ATXN2: variants seen among roughly 807,000 people sequenced by gnomAD.
ATXN2 encodes the protein ataxin 2, also known as ataxin-2.
Under a neutral mutation model 138.6 loss-of-function variants are expected in ATXN2, and 37 were observed. The observed-to-expected ratio is 0.27, with a 90% CI of 0.21 to 0.35. The LOEUF (loss-of-function observed/expected upper bound fraction) is 0.35, where lower values mean the gene tolerates loss of function less well. ATXN2 is among the 10% of genes least tolerant of loss of function. The pLI is 1.00. For missense variants in ATXN2, 1,216 were observed against 1,480.3 expected (o/e 0.82, Z 2.93); for synonymous variants, 549 against 543.7 (o/e 1.01, Z -0.13).
At chr12:111,455,256 C>T (rs1004022777) in intron 23 of ATXN2, 10 of 641,068 alleles carry the variant, frequency 1.6e-5, no homozygotes, top group African/African-American at 5.4e-5. Flanking sequence ...TCAAGGCCAG[C>T]GTTAGAGCCC....
intron 14 of ATXN2, among the ~76,000 whole-genome samples, chr12:111,502,243 C>A (rs894263194): frequency 1.3e-5 from 2 of 152,128 alleles, no homozygotes; most frequent in African/African-American, 4.8e-5. Context: ...TTCACAACAG[C>A]CCTATTTGAT....
At chr12:111,594,591 T>A (rs1835567261) in intron 1 of ATXN2, among the ~76,000 whole-genome samples, 1 of 152,086 alleles carries the variant, frequency 6.6e-6, no homozygotes, top group East Asian at 1.9e-4. Context: ...TCAGACTGAA[T>A]CCTGTATCCC....
chr12:111,459,749 T>C (rs542634986), intron 21 of ATXN2, among the ~76,000 whole-genome samples: 2 of 136,680 alleles, frequency 1.5e-5, no homozygotes, highest in South Asian at 4.6e-4. Flanking sequence ...CATGTTTGTT[T>C]ATTTTTGAGA....
At position 111,453,559 on chromosome 12, in the gene ATXN2, G is replaced by T; in HGVS notation, c.3439+118C>A. ...ACAGTCCCTCCTGTGCACACTCCTG[G>T]ACGGGTCTTGCTAGTTCTCAAATGC... On this transcript the variant is annotated intron_variant, in intron 24 of 24. Coordinates refer to ENST00000673436, the MANE Select transcript of ATXN2 (RefSeq NM_001372574.1). This position sits in a 1 kb window ranked among gnomAD's most constrained non-coding sequence, Gnocchi z 5.4. 5.5e-6 allele frequency: 8 copies of T among 1,441,816 alleles called. No individual in the cohort carries two copies. The highest frequency in any genetic ancestry group is 7.3e-6 in the Non-Finnish European group (8 of 1,097,882). 89.3% of individuals were successfully genotyped at this position (1,441,816 alleles called of 1,614,324 possible).
chr12:111,491,719 C>G (rs1226372480), intron 14 of ATXN2, among the ~76,000 whole-genome samples: 4 of 152,128 alleles, frequency 2.6e-5, no homozygotes, highest in Non-Finnish European at 5.9e-5. Context: ...ACTAAAGAGC[C>G]CTTGTGCCTT....
chr12:111,556,018 G>C, intron 1 of ATXN2, 99 bp from the exon 2 acceptor site: 1 of 979,752 alleles, frequency 1.0e-6, no homozygotes, highest in Non-Finnish European at 1.5e-6. Context: ...ATAAAGGAGA[G>C]GCTATCTGTG....
Position 111,518,376 on chromosome 12 carries a change from C to A in ATXN2, c.1038G>T (p.Trp346Cys), listed in dbSNP as rs1722026150. The A allele has an allele frequency of 6.2e-7, 1 of 1,612,734 alleles. No homozygotes were observed. Among genetic ancestry groups the A allele is most frequent in the African/African-American group, 1.3e-5 (1 of 74,854 alleles). The change falls in exon 9 of 25, where the codon TGG becomes TGT. Residue 346 changes from tryptophan (W) to cysteine (C), a missense_variant. By Grantham distance (215) the Trp-to-Cys change is radical. Around this residue, in one of 4 missense-constraint regions of ATXN2, gnomAD observed 401 missense variants for 528.1 expected, o/e 0.76. Coordinates refer to ENST00000673436, the MANE Select transcript of ATXN2 (RefSeq NM_001372574.1). ...GCGGTGAATTCTGTCTCCCACTTCC[C>A]CAGGATATGACTTCTCTATTTCTTT... is the stretch of plus-strand genomic sequence containing the variant. The part of the protein sequence containing the change: ...PGQRNREVIS[W>C]GSGRQNSPRM...
chr12:111,492,784 G>T (rs974247504), intron 14 of ATXN2, among the ~76,000 whole-genome samples: 5 of 151,000 alleles, frequency 3.3e-5, no homozygotes, highest in African/African-American at 1.2e-4. Flanking sequence ...ACATCCACAA[G>T]CATCAAGGCC....
At chr12:111,519,477 T>C (rs1880039430) in intron 8 of ATXN2, among the ~76,000 whole-genome samples, 1 of 152,216 alleles carries the variant, frequency 6.6e-6, no homozygotes, top group Non-Finnish European at 1.5e-5. Flanking sequence ...TATCACAAAA[T>C]GTCACCTCCT....
At chr12:111,593,456 C>G (rs1884782235) in intron 1 of ATXN2, among the ~76,000 whole-genome samples, 1 of 151,944 alleles carries the variant, frequency 6.6e-6, no homozygotes, top group South Asian at 2.1e-4. Flanking sequence ...GAGTTAACAT[C>G]CCTTATGTAG....
chr12:111,535,115 G>C (rs1268736992), intron 5 of ATXN2, among the ~76,000 whole-genome samples: 2 of 152,172 alleles, frequency 1.3e-5, no homozygotes, highest in African/African-American at 4.8e-5. Context: ...GACAGAGAGA[G>C]ACCCTTTCTC....
In ATXN2 at chr12:111,569,277, GA is replaced by G. The variant is rs1367513708; in HGVS notation, c.252-13359del. Among the ~76,000 whole-genome samples the G allele has an allele frequency of 4.0e-5, 6 of 151,464 alleles. 1 individual carries two copies. The South Asian group carries it at 1.2e-3, about 32-fold the overall frequency. On this transcript the variant is annotated intron_variant, in intron 1 of 24. Coordinates refer to ENST00000673436, the MANE Select transcript of ATXN2 (RefSeq NM_001372574.1). ...AGATGAAAATAGTACCTTCTCAAAA[GA>G]AAAAAAATAGTATCTTTTCATAAGG...
chr12:111,497,795 T>A (rs1031577412), intron 14 of ATXN2, among the ~76,000 whole-genome samples: 7 of 151,890 alleles, frequency 4.6e-5, no homozygotes, highest in African/African-American at 1.7e-4. Context: ...GACGGGCAGA[T>A]CATGAGGTCA....
intron 6 of ATXN2, among the ~76,000 whole-genome samples, chr12:111,521,876 A>G (rs1566040380): frequency 6.6e-6 from 1 of 152,186 alleles, no homozygotes; most frequent in Admixed American, 6.5e-5. Context: ...GAATCAACCA[A>G]TTGGGCCACA....
intron 14 of ATXN2, among the ~76,000 whole-genome samples, chr12:111,498,284 C>T (rs1228270845): frequency 6.6e-6 from 1 of 152,128 alleles, no homozygotes; most frequent in Non-Finnish European, 1.5e-5. Context: ...TCAAATTATC[C>T]TTGTTTGCAG....
At chr12:111,589,013 A>AAAAC (rs1884500023) in intron 1 of ATXN2, among the ~76,000 whole-genome samples, 3 of 136,242 alleles carry the variant, frequency 2.2e-5, no homozygotes, top group Admixed American at 1.4e-4. Flanking sequence ...AAAAAAAAAA[A>AAAAC]AAAAAAAAAA....
intron 14 of ATXN2, among the ~76,000 whole-genome samples, chr12:111,497,909 G>A (rs998171083): frequency 2.0e-5 from 3 of 151,994 alleles, no homozygotes; most frequent in Admixed American, 6.6e-5. Context: ...CCAGCTACTC[G>A]GGAGGCTGAG....
At chr12:111,517,517 A>G (rs980298681) in intron 9 of ATXN2, among the ~76,000 whole-genome samples, 1 of 152,190 alleles carries the variant, frequency 6.6e-6, no homozygotes, top group Non-Finnish European at 1.5e-5. Flanking sequence ...GTAACATACT[A>G]TTGCTATTAC....
chr12:111,581,303 A>G, intron 1 of ATXN2: 2 of 505,148 alleles, frequency 4.0e-6, no homozygotes, highest in Non-Finnish European at 7.3e-6. Context: ...AGAGAAATCC[A>G]AACTACCAGG....
Sources: gnomAD v4.1 joint callset for allele counts (sites outside exome capture counted in the v4.1 genomes callset) on GRCh38, gnomAD v4.1.1 for gene constraint, gnomAD v4.1.1 regional missense constraint, Gnocchi (gnomAD v3.1) non-coding constraint, MANE v1.5 for transcripts, NCBI Gene and HGNC (gene_info 2026-07-23, HGNC 2026-07-21) for gene names.